LAMA2: variants seen among roughly 807,000 people sequenced by gnomAD.
LAMA2 encodes laminin subunit alpha 2.
A neutral mutation model predicts 364.8 loss-of-function variants in LAMA2; 269 were observed. The observed-to-expected ratio is 0.74, with a 90% CI of 0.67 to 0.82. The LOEUF is 0.82. LAMA2 is among the 40% of genes least tolerant of loss of function. The pLI, the probability that LAMA2 is intolerant of heterozygous loss-of-function variation, is 0.00. For missense variants in LAMA2, 3,807 were observed against 3,873.2 expected (o/e 0.98, Z 0.45); for synonymous variants, 1,379 against 1,370.6 (o/e 1.01, Z -0.14).
chr6:129,237,044 C>T (rs1270520123), intron 12 of LAMA2, among the ~76,000 whole-genome samples: 3 of 152,112 alleles, frequency 2.0e-5, no homozygotes, highest in Admixed American at 2.0e-4. Context: ...TCTTTGTAAC[C>T]TTGAACAAGT....
chr6:129,469,333 A>G (rs1783696831), intron 51 of LAMA2, among the ~76,000 whole-genome samples: 1 of 151,956 alleles, frequency 6.6e-6, no homozygotes, highest in Admixed American at 6.6e-5. Context: ...GAGGTAAATT[A>G]TGCTTGAAGT....
chr6:129,045,351 T>C (rs1582930887), intron 1 of LAMA2, among the ~76,000 whole-genome samples: 1 of 152,312 alleles, frequency 6.6e-6, no homozygotes, highest in East Asian at 1.9e-4. Context: ...GATAAGTTAT[T>C]TGTTTTATTA....
At chr6:129,357,431 T>C (rs994782038) in intron 32 of LAMA2, among the ~76,000 whole-genome samples, 6 of 152,032 alleles carry the variant, frequency 3.9e-5, no homozygotes, top group Admixed American at 3.9e-4. Flanking sequence ...GTTGCCTATT[T>C]TTAATCACTG....
intron 40 of LAMA2, among the ~76,000 whole-genome samples, chr6:129,416,151 G>A (rs1158307690): frequency 4.1e-5 from 2 of 48,908 alleles, no homozygotes; most frequent in Non-Finnish European, 7.7e-5. Flanking sequence ...GGGTTTCACC[G>A]TTTTAGCCGG....
rs1256470015 is a variant in LAMA2, at chr6:129,460,325, G to T, written c.6992+1G>T. 1 of 1,611,832 alleles carries T rather than the reference G, an allele frequency of 6.2e-7. No individual in the cohort carries two copies. The highest frequency in any genetic ancestry group is 8.5e-7 in the Non-Finnish European group (1 of 1,178,492). On this transcript the variant is annotated splice_donor_variant, in intron 49 of 64. Transcript: ENST00000421865. LOFTEE classifies it high-confidence loss of function. ...GTGACTGCAAAGGATGCACTGTCAG[G>T]TTAGTTGAGATGAGAACTCTCCCAG... is the stretch of plus-strand genomic sequence containing the variant.
chr6:129,056,648 T>G (rs978024294), intron 2 of LAMA2, among the ~76,000 whole-genome samples: 10 of 152,144 alleles, frequency 6.6e-5, no homozygotes, highest in African/African-American at 1.9e-4. Flanking sequence ...CAGTAAATGT[T>G]ATGACAGTGT....
chr6:129,458,730 G>C (rs746829285), intron 48 of LAMA2, among the ~76,000 whole-genome samples: 7 of 151,938 alleles, frequency 4.6e-5, no homozygotes, highest in African/African-American at 1.5e-4. Context: ...CATGTTGATG[G>C]GTTTAACCTA....
intron 1 of LAMA2, among the ~76,000 whole-genome samples, chr6:128,962,671 T>A (rs1274400876): frequency 6.6e-6 from 1 of 152,200 alleles, no homozygotes; most frequent in Non-Finnish European, 1.5e-5. Context: ...GATTTACTGA[T>A]TTAGTGATTT....
At chr6:129,096,191 C>G (rs2114869146) in intron 3 of LAMA2, among the ~76,000 whole-genome samples, 1 of 152,216 alleles carries the variant, frequency 6.6e-6, no homozygotes, top group East Asian at 1.9e-4. Flanking sequence ...AAAACAATTC[C>G]TTATGAATAA....
At chr6:128,966,712 A>G (rs745891017) in intron 1 of LAMA2, among the ~76,000 whole-genome samples, 1 of 152,152 alleles carries the variant, frequency 6.6e-6, no homozygotes, top group Non-Finnish European at 1.5e-5. Context: ...TCCTTTTTAA[A>G]CTGAAGTAAT....
rs2114410632 is a variant in LAMA2, at chr6:128,899,502, A to G, written c.112+16145A>G. Among the ~76,000 whole-genome samples, 2 of 152,320 alleles carry G rather than the reference A, an allele frequency of 1.3e-5. 1 individual carries two copies. Among genetic ancestry groups the G allele is most frequent in the Admixed American group, 1.3e-4 (2 of 15,298 alleles). The stretch of plus-strand genomic sequence containing the variant: ...TCATTGTTTCTGTTGCTTTATCTCC[A>G]GCTTCTAGTCTGACATATGGTAGGC... On this transcript the variant is annotated intron_variant, in intron 1 of 64. Transcript: ENST00000421865.
At chr6:128,929,057 T>C (rs1186156994) in intron 1 of LAMA2, 2 of 1,449,374 alleles carry the variant, frequency 1.4e-6, no homozygotes, top group African/African-American at 2.8e-5. Context: ...TAGCTGTGGA[T>C]AGTGGCTAAT....
chr6:129,229,961 C>CAA (rs1784580060), intron 12 of LAMA2, among the ~76,000 whole-genome samples: 1 of 152,206 alleles, frequency 6.6e-6, no homozygotes, highest in East Asian at 1.9e-4. Context: ...AGCTAGTATA[C>CAA]AAGTCTGAAG....
chr6:129,246,820 C>G (rs1178100341), intron 12 of LAMA2, among the ~76,000 whole-genome samples: 2 of 152,030 alleles, frequency 1.3e-5, no homozygotes, highest in Non-Finnish European at 2.9e-5. Flanking sequence ...GAGGAGTGGA[C>G]AGATGGAGAA....
chr6:128,905,898 T>C (rs1329797716), intron 1 of LAMA2, among the ~76,000 whole-genome samples: 2 of 152,150 alleles, frequency 1.3e-5, no homozygotes, highest in African/African-American at 4.8e-5. Context: ...GGTTTTTTAT[T>C]CTTGTGATAG....
intron 28 of LAMA2, among the ~76,000 whole-genome samples, chr6:129,324,218 A>T (rs566680106): frequency 1.7e-4 from 26 of 152,356 alleles, no homozygotes; most frequent in Middle Eastern, 6.8e-3. Context: ...CAAACATAGA[A>T]AAAACTATTT....
At chr6:129,335,004 G>A (rs1432235797) in intron 29 of LAMA2, among the ~76,000 whole-genome samples, 1 of 152,268 alleles carries the variant, frequency 6.6e-6, no homozygotes. Context: ...TTGGAGATGG[G>A]CACTCACTTA....
intron 1 of LAMA2, among the ~76,000 whole-genome samples, chr6:128,983,356 A>G (rs1182474140): frequency 6.6e-6 from 1 of 152,084 alleles, no homozygotes; most frequent in Non-Finnish European, 1.5e-5. Flanking sequence ...CATTTCTCTG[A>G]TGGCCAGTGA....
intron 1 of LAMA2, among the ~76,000 whole-genome samples, chr6:128,993,383 A>G (rs1165225965): frequency 6.6e-6 from 1 of 152,080 alleles, no homozygotes; most frequent in Non-Finnish European, 1.5e-5. Flanking sequence ...TTGCTAGGCA[A>G]CCCGAGGGGA....
Sources: allele counts gnomAD v4.1 joint callset (sites outside exome capture counted in the v4.1 genomes callset), GRCh38; gene constraint gnomAD v4.1.1; transcripts MANE v1.5; gene names NCBI Gene and HGNC (gene_info 2026-07-23, HGNC 2026-07-21).